Variants in OTOGL observed in about 807,000 individuals in gnomAD.
OTOGL encodes otogelin-like protein.
In OTOGL, 285 loss-of-function variants were observed where a neutral mutation model predicts 318.5. The ratio of observed to expected loss-of-function variants is 0.89; its 90% confidence interval spans 0.81 to 0.99. OTOGL has a LOEUF of 0.99. OTOGL is among the 50% of genes least tolerant of loss of function. The pLI is 0.00. For synonymous variants in OTOGL, 987 were observed against 936.5 expected, an observed-to-expected ratio of 1.05 and a Z score of -0.99; for missense variants, 2,899 against 2,845.6, an observed-to-expected ratio of 1.02 and a Z score of -0.43.
chr12:80,102,372 C>A (rs1337465594), intron 1 of OTOGL, among the ~76,000 whole-genome samples: 2 of 152,170 alleles, frequency 1.3e-5, no homozygotes, highest in Non-Finnish European at 2.9e-5. Context: ...CAATGGTAGA[C>A]CTTTTCATGT....
At chr12:80,316,155 T>G (rs1435904246) in intron 32 of OTOGL, among the ~76,000 whole-genome samples, 1 of 152,190 alleles carries the variant, frequency 6.6e-6, no homozygotes, top group Non-Finnish European at 1.5e-5. Flanking sequence ...TTGTGAACAA[T>G]TTGGCTTCAG....
At chr12:80,197,808 G>A (rs1044057940) in intron 1 of OTOGL, among the ~76,000 whole-genome samples, 1 of 152,220 alleles carries the variant, frequency 6.6e-6, no homozygotes, top group African/African-American at 2.4e-5. Flanking sequence ...CCCTCTGGAT[G>A]TGAGCGATGG....
At chr12:80,276,339 T>C (rs1022643721) in intron 24 of OTOGL, among the ~76,000 whole-genome samples, 10 of 151,788 alleles carry the variant, frequency 6.6e-5, no homozygotes, top group Non-Finnish European at 1.5e-5. Context: ...TAGGATAAGA[T>C]CAGTTAGGGG....
intron 1 of OTOGL, chr12:80,208,375 C>T (rs1876977193): frequency 2.6e-6 from 1 of 381,544 alleles, no homozygotes; most frequent in Non-Finnish European, 5.1e-6. Flanking sequence ...CTGGGTACAA[C>T]AGGATATTAA....
At chr12:80,240,166 T>G (rs1235517207) in intron 11 of OTOGL, among the ~76,000 whole-genome samples, 1 of 152,154 alleles carries the variant, frequency 6.6e-6, no homozygotes, top group Non-Finnish European at 1.5e-5. Context: ...TTGTCTATTG[T>G]GAATACTTCT....
intron 1 of OTOGL, among the ~76,000 whole-genome samples, chr12:80,113,714 T>A (rs1869986836): frequency 6.6e-6 from 1 of 152,160 alleles, no homozygotes; most frequent in South Asian, 2.1e-4. Flanking sequence ...TGATCTAATA[T>A]TGACAGTGTG....
rs566157032 is a variant in OTOGL at position 80,375,521 on chromosome 12, A to T, written c.6782-1602A>T. Among the ~76,000 whole-genome samples the T allele has an allele frequency of 3.3e-5, 5 of 152,236 alleles. No individual in the cohort carries two copies. The South Asian group carries it at 1.0e-3, about 32-fold the overall frequency. On this transcript the variant is annotated intron_variant, in intron 57 of 58. Coordinates refer to ENST00000547103, the MANE Select transcript of OTOGL (RefSeq NM_001378609.3). ...TATAAAGAAAAATAATGTAGAATAA[A>T]AGGAATGGAGAATGAGAGGAGCTGG...
At chr12:80,164,102 T>C (rs1873694059) in intron 1 of OTOGL, among the ~76,000 whole-genome samples, 1 of 152,164 alleles carries the variant, frequency 6.6e-6, no homozygotes, top group Non-Finnish European at 1.5e-5. Flanking sequence ...TGTAACTTTG[T>C]GAAAATTGGC....
intron 4 of OTOGL, among the ~76,000 whole-genome samples, chr12:80,213,009 G>A (rs1320923160): frequency 6.6e-6 from 1 of 152,156 alleles, no homozygotes; most frequent in Non-Finnish European, 1.5e-5. Flanking sequence ...AGTCCACAGA[G>A]TAAAGTGAAA....
intron 1 of OTOGL, among the ~76,000 whole-genome samples, chr12:80,206,008 G>A (rs1228163141): frequency 1.3e-5 from 2 of 152,182 alleles, no homozygotes; most frequent in Non-Finnish European, 2.9e-5. Context: ...AATGTGCAGT[G>A]CTTTTGTAGC....
chr12:80,250,233 T>C (rs1309333492), intron 11 of OTOGL, among the ~76,000 whole-genome samples: 1 of 152,176 alleles, frequency 6.6e-6, no homozygotes, highest in East Asian at 1.9e-4. Context: ...CCTATTAAAG[T>C]TATCATTCAA....
intron 1 of OTOGL, among the ~76,000 whole-genome samples, chr12:80,135,697 C>A (rs566368067): frequency 6.6e-6 from 1 of 152,242 alleles, no homozygotes; most frequent in East Asian, 1.9e-4. Context: ...CTTGACTAGG[C>A]CATGGGATAT....
intron 4 of OTOGL, among the ~76,000 whole-genome samples, chr12:80,213,166 G>A (rs981926671): frequency 3.3e-5 from 5 of 152,224 alleles, no homozygotes; most frequent in Admixed American, 2.6e-4. Context: ...TTCCAGGAAA[G>A]GGACAGGAAT....
chr12:80,181,726 G>T (rs1472430510), intron 1 of OTOGL, among the ~76,000 whole-genome samples: 2 of 152,058 alleles, frequency 1.3e-5, no homozygotes, highest in African/African-American at 4.8e-5. Flanking sequence ...TATGACTGCA[G>T]CATGCCACAT....
intron 7 of OTOGL, among the ~76,000 whole-genome samples, chr12:80,222,510 A>G (rs1310091961): frequency 6.6e-6 from 1 of 152,150 alleles, no homozygotes; most frequent in East Asian, 1.9e-4. Context: ...AATGGAGTGT[A>G]TGAGTTACAT....
At chr12:80,355,603 C>A in intron 46 of OTOGL, 133 bp from the exon 47 acceptor site, 1 of 659,744 alleles carries the variant, frequency 1.5e-6, no homozygotes, top group Non-Finnish European at 2.5e-6. Flanking sequence ...AAAGAGAAAT[C>A]TGAGAAAAAC....
chr12:80,288,342 A>G lies in OTOGL; in HGVS notation c.2929-8485A>G, dbSNP rs12314399. Among the ~76,000 whole-genome samples the G allele has an allele frequency of 5.4e-3, 818 of 151,920 alleles. 4 individuals carry two copies. Among genetic ancestry groups the G allele is most frequent in the African/African-American group, 0.019 (791 of 41,424 alleles). On this transcript the variant is annotated intron_variant, in intron 26 of 58. Transcript: ENST00000547103. ...GGCTGCCCTTAATATTTTTTCTTTCATTTCAACCTTGGAGAATCTGAGGAT... is the reference window on the plus strand; with the variant it reads ...GGCTGCCCTTAATATTTTTTCTTTCGTTTCAACCTTGGAGAATCTGAGGAT...
Position 80,356,931 on chromosome 12 carries a change from T to A in OTOGL, c.6019+17T>A. 1.4e-6 allele frequency: 2 copies of A among 1,476,396 alleles called. No individual in the cohort carries two copies. The highest frequency in any genetic ancestry group is 1.8e-6 in the Non-Finnish European group (2 of 1,102,830). The allele number at this position is 1,476,396 out of a possible 1,614,324, so 91.5% of individuals were successfully genotyped here. A position where few individuals can be genotyped will look rare whatever the true frequency, so the allele number is the denominator to read the frequency against. ...CTTTTTGTGGTGAGTATTGTAGAGA[T>A]AATTTCTTGGAAGAAGAGAAAGGAT... is the stretch of plus-strand genomic sequence containing the variant. On this transcript the variant is annotated intron_variant, in intron 49 of 58. Coordinates refer to ENST00000547103, the MANE Select transcript of OTOGL (RefSeq NM_001378609.3).
chr12:80,320,632 C>G lies in OTOGL; in HGVS notation c.4013C>G (p.Ser1338Cys), dbSNP rs573940491. 2.3e-5 allele frequency: 37 copies of G among 1,610,054 alleles called. No homozygotes were observed. In the South Asian group the frequency reaches 3.5e-4, roughly 15 times the overall value. Reference protein sequence around the residue: ...KKGFFIIFTDSSVKASKYDDS... With the variant: ...KKGFFIIFTDCSVKASKYDDS... Reference sequence around the variant, plus strand: ...GGCTTTTTCATCATATTCACAGATTCTAGTGTCAAAGCATCAAAATATGAT... The same window carrying G: ...GGCTTTTTCATCATATTCACAGATTGTAGTGTCAAAGCATCAAAATATGAT... Residue 1338 changes from serine (S) to cysteine (C), a missense_variant, in exon 34 of 59, where the codon TCT becomes TGT. By Grantham distance (112) the Ser-to-Cys change is moderately radical. Around this residue, in one of 3 missense-constraint regions of OTOGL, gnomAD observed 2,607 missense variants for 2,524.9 expected, o/e 1.03. Coordinates refer to ENST00000547103, the MANE Select transcript of OTOGL (RefSeq NM_001378609.3).
Sources: gnomAD v4.1 joint callset for allele counts (sites outside exome capture counted in the v4.1 genomes callset) on GRCh38, gnomAD v4.1.1 for gene constraint, gnomAD v4.1.1 regional missense constraint, MANE v1.5 for transcripts, NCBI Gene and HGNC (gene_info 2026-07-23, HGNC 2026-07-21) for gene names.